SYTL2: variants seen among roughly 807,000 people sequenced by gnomAD.
SYTL2 encodes synaptotagmin-like protein 2.
A neutral mutation model predicts 198.7 loss-of-function variants in SYTL2; 165 were observed. The observed-to-expected ratio is 0.83, with a 90% CI of 0.73 to 0.94. The LOEUF (loss-of-function observed/expected upper bound fraction) is 0.94, where lower values mean the gene tolerates loss of function less well. SYTL2 is among the 40% of genes least tolerant of loss of function. SYTL2 has a pLI of 0.00. For missense variants in SYTL2, 2,835 were observed against 2,582.8 expected, an observed-to-expected ratio of 1.10 and a Z score of -2.12; for synonymous variants, 966 against 917.7, an observed-to-expected ratio of 1.05 and a Z score of -0.95.
chr11:85,853,102 C>T, the SYTL2 span: 1 of 292,542 alleles, frequency 3.4e-6, no homozygotes, highest in South Asian at 2.5e-5. Context: ...CTCTGCCCGG[C>T]CGCCCCTTCT....
At chr11:85,773,336 T>G (rs1041614436) in intron 1 of SYTL2, among the ~76,000 whole-genome samples, 1 of 152,246 alleles carries the variant, frequency 6.6e-6, no homozygotes, top group African/African-American at 2.4e-5. Context: ...TACCTTGAAG[T>G]TAGTTCTTTA....
rs746880831 is a variant in SYTL2, at chr11:85,727,256, T to C, written c.2102A>G (p.His701Arg). 2 of 1,535,268 alleles carry C rather than the reference T, an allele frequency of 1.3e-6. No individual in the cohort carries two copies. Among genetic ancestry groups the C allele is most frequent in the Middle Eastern group, 1.7e-4 (1 of 6,012 alleles). ...GNLGEEEPKF[H>R]AHEENRGHSE... Reference sequence around the variant, plus strand: ...GTGTCCTCTATTTTCTTCATGAGCATGAAACTTGGGTTCTTCTTCACCCAA... The same window carrying C: ...GTGTCCTCTATTTTCTTCATGAGCACGAAACTTGGGTTCTTCTTCACCCAA... The change falls in exon 8 of 20, where the codon CAT becomes CGT. Residue 701 changes from histidine (H) to arginine (R), a missense_variant. Physicochemically the swap from His to Arg is conservative, Grantham distance 29. Around this residue, in one of 3 missense-constraint regions of SYTL2, gnomAD observed 2,645 missense variants for 2,381.7 expected, o/e 1.11. Transcript: ENST00000359152.
chr11:85,766,937 A>G (rs1215132999), intron 1 of SYTL2, among the ~76,000 whole-genome samples: 1 of 152,224 alleles, frequency 6.6e-6, no homozygotes, highest in Non-Finnish European at 1.5e-5. Flanking sequence ...GATTGCTTCA[A>G]TAAACAGCAG....
At chr11:85,841,397 T>C in the SYTL2 span, among the ~76,000 whole-genome samples, 1 of 152,178 alleles carries the variant, frequency 6.6e-6, no homozygotes, top group East Asian at 1.9e-4. Flanking sequence ...CTATTCACAA[T>C]GGCAAAGACA....
the SYTL2 span, among the ~76,000 whole-genome samples, chr11:85,839,589 T>G: frequency 0.16 from 24,002 of 152,160 alleles, 2,075 homozygotes; most frequent in Middle Eastern, 0.2. Context: ...TGATATTCAG[T>G]TTCATCCATG....
chr11:85,778,705 A>G (rs1165334332), intron 1 of SYTL2, among the ~76,000 whole-genome samples: 2 of 152,232 alleles, frequency 1.3e-5, no homozygotes, highest in African/African-American at 4.8e-5. Context: ...CTGGGCGTGC[A>G]GTGGCTCACA....
At chr11:85,813,716 T>TTCC (rs2093058116), upstream of SYTL2, among the ~76,000 whole-genome samples, 2 of 107,210 alleles carry the variant, frequency 1.9e-5, no homozygotes, top group East Asian at 6.6e-4. Context: ...CCCTCCCTCC[T>TTCC]TTCCTTCCTT....
chr11:85,755,850 A>G (rs922321478), intron 2 of SYTL2, among the ~76,000 whole-genome samples: 7 of 152,016 alleles, frequency 4.6e-5, no homozygotes, highest in African/African-American at 1.4e-4. Flanking sequence ...ACCATAAATA[A>G]CACCTCCTGA....
chr11:85,783,508 T>A (rs2092593992), intron 1 of SYTL2, among the ~76,000 whole-genome samples: 1 of 152,202 alleles, frequency 6.6e-6, no homozygotes, highest in South Asian at 2.1e-4. Context: ...AACACCCTTG[T>A]TCTTGATGGT....
chr11:85,757,794 A>T lies in SYTL2; in HGVS notation c.-69T>A. The T allele has an allele frequency of 6.3e-6, 10 of 1,590,800 alleles. No homozygotes were observed. The South Asian group carries it at 1.1e-4, about 18-fold the overall frequency. On this transcript the variant is annotated 5_prime_UTR_variant, in exon 2 of 20. Transcript: ENST00000359152. Reference sequence around the variant, plus strand: ...AAATTCTCAGGGCTGAACAACTAAGACTGCAACCAGGAAGATTAAAACACA... The same window carrying T: ...AAATTCTCAGGGCTGAACAACTAAGTCTGCAACCAGGAAGATTAAAACACA...
chr11:85,736,526 A>G lies in SYTL2; in HGVS notation c.561T>C (p.Thr187=), dbSNP rs776884928. The part of the protein sequence containing the change: ...TKNEQSKNGR[T]GLFQTSKEDE... ...CCTCTTTTGAAGTCTGAAATAAACC[A>G]GTTCTTCCATTTTTTGACTGTTCAT... Residue 187 remains threonine, a synonymous_variant, in exon 6 of 20, where the codon ACT becomes ACC. Transcript: ENST00000359152. The G allele has an allele frequency of 6.3e-7, 1 of 1,592,404 alleles. No individual in the cohort carries two copies. The highest frequency in any genetic ancestry group is 1.1e-5 in the South Asian group (1 of 89,494).
At chr11:85,719,303 G>C in intron 9 of SYTL2, 1 of 1,158,952 alleles carries the variant, frequency 8.6e-7, no homozygotes, top group African/African-American at 1.6e-5. Context: ...GATGTAACTG[G>C]GGACCAGCTG....
At chr11:85,700,047 G>A (rs181082619) in intron 17 of SYTL2, among the ~76,000 whole-genome samples, 23 of 152,134 alleles carry the variant, frequency 1.5e-4, no homozygotes, top group Non-Finnish European at 1.6e-4. Context: ...CATTCACATT[G>A]TGCAGATACA....
At chr11:85,698,702 G>C (rs569849673) in intron 17 of SYTL2, among the ~76,000 whole-genome samples, 1 of 152,210 alleles carries the variant, frequency 6.6e-6, no homozygotes, top group South Asian at 2.1e-4. Flanking sequence ...ACCACACTTG[G>C]CTAATTTTTA....
At chr11:85,761,144 T>C (rs1344291571) in intron 1 of SYTL2, among the ~76,000 whole-genome samples, 1 of 152,176 alleles carries the variant, frequency 6.6e-6, no homozygotes, top group Non-Finnish European at 1.5e-5. Context: ...TGGCAATGGA[T>C]GGAAACAATC....
At chr11:85,841,585 C>T in the SYTL2 span, among the ~76,000 whole-genome samples, 7 of 152,100 alleles carry the variant, frequency 4.6e-5, no homozygotes, top group Non-Finnish European at 7.4e-5. Flanking sequence ...AACCAAATAC[C>T]ACATGTTCTC....
intron 1 of SYTL2, among the ~76,000 whole-genome samples, chr11:85,803,718 T>C (rs1647249864): frequency 6.6e-6 from 1 of 152,190 alleles, no homozygotes; most frequent in African/African-American, 2.4e-5. Context: ...GTGAAAAGAG[T>C]ACAGGTTTTC....
In SYTL2 at chr11:85,726,044, T is replaced by C; in HGVS notation, c.3314A>G (p.Glu1105Gly). 1 of 1,612,888 alleles carries C rather than the reference T, an allele frequency of 6.2e-7. No individual in the cohort carries two copies. The highest frequency in any genetic ancestry group is 8.5e-7 in the Non-Finnish European group (1 of 1,179,576). Reference sequence around the variant, plus strand: ...CTCTTGTTCTGAGTAATCCTTTTCTTCCTTAAACACTGGAGTAACAATCCC... The same window carrying C: ...CTCTTGTTCTGAGTAATCCTTTTCTCCCTTAAACACTGGAGTAACAATCCC... ...TEGIVTPVFK[E>G]EKDYSEQEIQ... The change falls in exon 8 of 20, where the codon GAA (glutamate) becomes GGA (glycine). Residue 1105 changes from glutamate to glycine, a missense_variant. Transcript: ENST00000359152.
chr11:85,783,065 C>T lies in SYTL2; in HGVS notation c.-389-24951G>A, dbSNP rs531251467. Among the ~76,000 whole-genome samples the T allele has an allele frequency of 2.6e-5, 4 of 152,314 alleles. No homozygotes were observed. The East Asian group carries it at 7.7e-4, about 29-fold the overall frequency. ...TTACAGCAGCAACCCACTCCCAGTACCAAATCACTGTATTAGTCCATTCTT... is the reference window on the plus strand; with the variant it reads ...TTACAGCAGCAACCCACTCCCAGTATCAAATCACTGTATTAGTCCATTCTT... On this transcript the variant is annotated intron_variant, in intron 1 of 19. Coordinates refer to ENST00000359152, the MANE Select transcript of SYTL2 (RefSeq NM_206927.4).
Sources: allele counts gnomAD v4.1 joint callset (sites outside exome capture counted in the v4.1 genomes callset), GRCh38; gene constraint gnomAD v4.1.1; regional missense constraint gnomAD v4.1.1; transcripts MANE v1.5; gene names NCBI Gene and HGNC (gene_info 2026-07-23, HGNC 2026-07-21).